Variants in RASGRP1 observed in about 807,000 individuals in gnomAD.
RASGRP1 encodes RAS guanyl releasing protein 1, also known as RAS guanyl-releasing protein 1.
In RASGRP1, 37 loss-of-function variants were observed where a neutral mutation model predicts 95.1. The observed-to-expected ratio is 0.39, with a 90% CI of 0.30 to 0.51. The LOEUF is 0.51. Among genes scored for constraint, RASGRP1 ranks in the 20% least tolerant of loss-of-function variants. The pLI is 0.80. For missense variants in RASGRP1, 711 were observed against 965.4 expected (o/e 0.74, Z 3.49); for synonymous variants, 325 against 353.4 (o/e 0.92, Z 0.90).
chr15:38,528,198 G>C (rs1028252790), intron 2 of RASGRP1, among the ~76,000 whole-genome samples: 1 of 151,846 alleles, frequency 6.6e-6, no homozygotes, highest in Non-Finnish European at 1.5e-5. Flanking sequence ...TTCTCTCTGT[G>C]GGTTTATTTC....
At position 38,512,791 on chromosome 15, in the gene RASGRP1, C is replaced by A; in HGVS notation, c.841G>T (p.Val281Leu). 1 of 1,613,630 alleles carries A rather than the reference C, an allele frequency of 6.2e-7. No homozygotes were observed. Among genetic ancestry groups the A allele is most frequent in the Non-Finnish European group, 8.5e-7 (1 of 1,179,704 alleles). ...RAEVFIKFIQ[V>L]AQKLHQLQNF... is the part of the protein sequence containing the mutation. ...TTAAACCAGTTATTCACCTGAGCCA[C>A]CTGGATGAACTTGATGAAGACTTCT... The change falls in exon 7 of 17, where the codon GTG becomes TTG. Residue 281 changes from valine to leucine, a missense_variant. By Grantham distance (32) the Val-to-Leu change is conservative. Coordinates refer to ENST00000310803, the MANE Select transcript of RASGRP1 (RefSeq NM_005739.4).
At chr15:38,548,730 T>G (rs147518773) in intron 2 of RASGRP1, among the ~76,000 whole-genome samples, 10 of 152,316 alleles carry the variant, frequency 6.6e-5, no homozygotes, top group East Asian at 3.9e-4. Context: ...ACACACATAA[T>G]TTTTAGAAAA....
intron 2 of RASGRP1, among the ~76,000 whole-genome samples, chr15:38,552,120 A>C (rs767147398): frequency 3.3e-5 from 5 of 152,268 alleles, no homozygotes; most frequent in Non-Finnish European, 7.3e-5. Flanking sequence ...CTTTGACTTC[A>C]GAATGAGAAT....
chr15:38,540,159 C>A (rs565014399), intron 2 of RASGRP1, among the ~76,000 whole-genome samples: 2 of 152,150 alleles, frequency 1.3e-5, no homozygotes, highest in Middle Eastern at 3.2e-3. Flanking sequence ...AACTCCTGGG[C>A]TCAAGCGATC....
At position 38,564,135 on chromosome 15, in the gene RASGRP1, C is replaced by T. The variant is rs555045507; in HGVS notation, c.35+459G>A. Among the ~76,000 whole-genome samples, 366 of 152,320 alleles carry T rather than the reference C, an allele frequency of 2.4e-3. 2 individuals carry two copies. Among genetic ancestry groups the T allele is most frequent in the African/African-American group, 8.3e-3 (347 of 41,574 alleles). On this transcript the variant is annotated intron_variant, in intron 1 of 16. Transcript: ENST00000310803. ...GGCAGGGGCAACCGAGGGGTGCCACCTCTGCGGGCTCCCTGCAAGCTCCTC... is the reference window on the plus strand; with the variant it reads ...GGCAGGGGCAACCGAGGGGTGCCACTTCTGCGGGCTCCCTGCAAGCTCCTC...
rs1403764945 is a variant in RASGRP1, at chr15:38,489,600, G to C, written c.*954C>G. The stretch of plus-strand genomic sequence containing the variant: ...ATTATTTAAGCCACTGATCCAATTA[G>C]CTTATTTCTAAATAGTATTAATAGT... On this transcript the variant is annotated 3_prime_UTR_variant, in exon 17 of 17. Transcript: ENST00000310803. The C allele has an allele frequency of 6.6e-6, 1 of 152,298 alleles. No homozygotes were observed. Among genetic ancestry groups the C allele is most frequent in the South Asian group, 2.1e-4 (1 of 4,820 alleles). 9.4% of individuals were successfully genotyped at this position (152,298 alleles called of 1,614,324 possible).
At chr15:38,524,696 C>T (rs1371887422) in intron 3 of RASGRP1, among the ~76,000 whole-genome samples, 15 of 152,074 alleles carry the variant, frequency 9.9e-5, no homozygotes, top group Admixed American at 3.3e-4. Flanking sequence ...TATTTTAAGA[C>T]GCTTTCACAT....
At chr15:38,540,664 A>T (rs1322837104) in intron 2 of RASGRP1, among the ~76,000 whole-genome samples, 1 of 152,242 alleles carries the variant, frequency 6.6e-6, no homozygotes, top group Admixed American at 6.5e-5. Flanking sequence ...CTCCATTTAC[A>T]GATCTAGGCA....
chr15:38,528,398 A>C (rs543973249), intron 2 of RASGRP1, among the ~76,000 whole-genome samples: 4 of 63,200 alleles, frequency 6.3e-5, no homozygotes, highest in Non-Finnish European at 1.4e-4. Flanking sequence ...ATTCCACTAA[A>C]TCTTTTATTT....
chr15:38,561,597 C>G (rs1311675567), intron 1 of RASGRP1, among the ~76,000 whole-genome samples: 4 of 152,200 alleles, frequency 2.6e-5, no homozygotes, highest in Admixed American at 2.6e-4. Context: ...TGGTGTATAA[C>G]TGAACTATGG....
intron 15 of RASGRP1, among the ~76,000 whole-genome samples, chr15:38,496,817 G>C (rs753384257): frequency 1.3e-5 from 2 of 152,194 alleles, no homozygotes; most frequent in Non-Finnish European, 2.9e-5. Context: ...TTACATGGAA[G>C]TGAAGCACTT....
intron 2 of RASGRP1, among the ~76,000 whole-genome samples, chr15:38,535,089 C>T (rs1035790536): frequency 5.3e-5 from 8 of 152,178 alleles, no homozygotes; most frequent in African/African-American, 1.9e-4. Context: ...TTGTGTTGAA[C>T]ATTTGCATTG....
At chr15:38,515,981 G>A (rs941540944) in intron 6 of RASGRP1, among the ~76,000 whole-genome samples, 6 of 151,728 alleles carry the variant, frequency 4.0e-5, no homozygotes, top group Admixed American at 2.0e-4. Context: ...GGTATGGGGC[G>A]GGGGCATGGA....
rs114331294 is a variant in RASGRP1 at position 38,520,013 on chromosome 15, T to G, written c.327-642A>C. On this transcript the variant is annotated intron_variant, in intron 3 of 16. Transcript: ENST00000310803. Reference sequence around the variant, plus strand: ...AAACTGGAGGTCACCTTAAGGATCCTTTTCATTCTGAGCATTCCAAGAATA... The same window carrying G: ...AAACTGGAGGTCACCTTAAGGATCCGTTTCATTCTGAGCATTCCAAGAATA... Among the ~76,000 whole-genome samples, 354 of 152,326 alleles carry G rather than the reference T, an allele frequency of 2.3e-3. 3 individuals are homozygous for G. The highest frequency in any genetic ancestry group is 8.3e-3 in the African/African-American group (344 of 41,586).
At chr15:38,499,533 T>C (rs562542385) in intron 14 of RASGRP1, among the ~76,000 whole-genome samples, 1 of 152,334 alleles carries the variant, frequency 6.6e-6, no homozygotes, top group Admixed American at 6.5e-5. Flanking sequence ...AGAAAATGCC[T>C]ATCTGTGCAA....
chr15:38,515,906 A>AGT (rs1180388944), intron 6 of RASGRP1, among the ~76,000 whole-genome samples: 39 of 123,454 alleles, frequency 3.2e-4, no homozygotes, highest in African/African-American at 8.6e-4. Context: ...AGAGAGAGAG[A>AGT]GAGAGTGTGT....
intron 2 of RASGRP1, among the ~76,000 whole-genome samples, chr15:38,531,760 A>G (rs188511669): frequency 2.0e-5 from 3 of 151,932 alleles, no homozygotes; most frequent in Admixed American, 2.0e-4. Context: ...CTCTCTCTCT[A>G]CACCCAGTCC....
In RASGRP1 at chr15:38,501,171, G is replaced by C; in HGVS notation, c.1655C>G (p.Pro552Arg). Reference sequence around the variant, plus strand: ...TCCAGCACAGTTGTCACAAAAAGTGGGCTTCAGGTAGGTGGTCTCTTGGAA... The same window carrying C: ...TCCAGCACAGTTGTCACAAAAAGTGCGCTTCAGGTAGGTGGTCTCTTGGAA... ...HNFQETTYLK[P>R]TFCDNCAGFL... Residue 552 changes from proline to arginine, a missense_variant, in exon 13 of 17, where the codon CCC becomes CGC. This residue lies in a region of RASGRP1 where 491 missense variants were observed against 676.6 expected (regional missense o/e 0.73). Transcript: ENST00000310803. 1 of 1,610,206 alleles carries C rather than the reference G, an allele frequency of 6.2e-7. No homozygotes were observed. The highest frequency in any genetic ancestry group is 8.5e-7 in the Non-Finnish European group (1 of 1,178,228).
chr15:38,498,029 G>T (rs1890861014), intron 15 of RASGRP1, among the ~76,000 whole-genome samples: 1 of 152,142 alleles, frequency 6.6e-6, no homozygotes, highest in African/African-American at 2.4e-5. Flanking sequence ...TAAATTAATG[G>T]CTTGGGGTTC....
Sources: gnomAD v4.1 joint callset for allele counts (sites outside exome capture counted in the v4.1 genomes callset) on GRCh38, gnomAD v4.1.1 for gene constraint, gnomAD v4.1.1 regional missense constraint, MANE v1.5 for transcripts, NCBI Gene and HGNC (gene_info 2026-07-23, HGNC 2026-07-21) for gene names.